The following SHROOM3 variants were observed in gnomAD, a reference collection of about 807,000 sequenced individuals.
SHROOM3 encodes the protein protein Shroom3.
In SHROOM3, 47 loss-of-function variants were observed where a neutral mutation model predicts 138.6. The ratio of observed to expected loss-of-function variants is 0.34; its 90% CI spans 0.27 to 0.43. The LOEUF is 0.43. Ranked by LOEUF, SHROOM3 falls within the 20% of genes least tolerant of loss-of-function variation. SHROOM3 has a pLI of 1.00. For missense variants in SHROOM3, 2,491 were observed against 2,596.5 expected, an observed-to-expected ratio of 0.96 and a Z score of 0.88; for synonymous variants, 1,062 against 1,063.3, an observed-to-expected ratio of 1.00 and a Z score of 0.02.
chr4:76,756,418 T>TC (rs769241594), intron 7 of SHROOM3, 31 bp from the exon 8 acceptor site: 428 of 450,586 alleles, frequency 9.5e-4, no homozygotes, highest in Admixed American at 1.8e-3. Flanking sequence ...TCTCTCTCTC[T>TC]TTTTTTTTTT....
chr4:76,576,227 G>A (rs565984262), intron 2 of SHROOM3, among the ~76,000 whole-genome samples: 1 of 152,170 alleles, frequency 6.6e-6, no homozygotes, highest in African/African-American at 2.4e-5. Context: ...CTTTACAATA[G>A]CTAAGATTTG....
intron 2 of SHROOM3, among the ~76,000 whole-genome samples, chr4:76,623,989 T>A (rs1205363666): frequency 6.6e-6 from 1 of 152,250 alleles, no homozygotes; most frequent in Non-Finnish European, 1.5e-5. Flanking sequence ...TTAACCACTA[T>A]CATGTTTGTA....
intron 9 of SHROOM3, among the ~76,000 whole-genome samples, chr4:76,760,750 A>G (rs1721963196): frequency 6.6e-6 from 1 of 152,192 alleles, no homozygotes; most frequent in Non-Finnish European, 1.5e-5. Flanking sequence ...TTGTCATTGT[A>G]TACCCCTGAT....
At chr4:76,761,243 C>T (rs1268444609) in intron 9 of SHROOM3, among the ~76,000 whole-genome samples, 1 of 152,100 alleles carries the variant, frequency 6.6e-6, no homozygotes, top group Non-Finnish European at 1.5e-5. Flanking sequence ...TCCATGTGTA[C>T]CCAATTAACT....
chr4:76,693,366 GTTTGTTT>G (rs1244264684), intron 2 of SHROOM3, among the ~76,000 whole-genome samples: 1 of 60,100 alleles, frequency 1.7e-5, no homozygotes, highest in African/African-American at 7.1e-5. Flanking sequence ...ATTTTGATAA[GTTTGTTT>G]TTTTTTTTTT....
At chr4:76,745,106 T>C (rs1191181956) in intron 5 of SHROOM3, among the ~76,000 whole-genome samples, 1 of 152,198 alleles carries the variant, frequency 6.6e-6, no homozygotes, top group Non-Finnish European at 1.5e-5. Context: ...TTCCTCTTCA[T>C]TGCAGAACAA....
At chr4:76,540,392 A>G (rs1733074101) in intron 1 of SHROOM3, among the ~76,000 whole-genome samples, 1 of 152,198 alleles carries the variant, frequency 6.6e-6, no homozygotes, top group South Asian at 2.1e-4. Flanking sequence ...GTTGCAAGCC[A>G]AGTTCTAATA....
chr4:76,664,623 G>A lies in SHROOM3; in HGVS notation c.324-45533G>A, dbSNP rs575805895. Among the ~76,000 whole-genome samples, 11 of 152,250 alleles carry A rather than the reference G, an allele frequency of 7.2e-5. No individual in the cohort carries two copies. The highest frequency in any genetic ancestry group is 2.2e-4 in the African/African-American group (9 of 41,546). ...TTTATGCTTTTGTTACTGTTGTATC[G>A]TTTTATTGTGGCAAACAGACACACA... On this transcript the variant is annotated intron_variant, in intron 2 of 10. Coordinates refer to ENST00000296043, the MANE Select transcript of SHROOM3 (RefSeq NM_020859.4). This position sits in a 1 kb window ranked among gnomAD's most constrained non-coding sequence, Gnocchi z 4.2.
At chr4:76,552,620 T>C (rs1327702759) in intron 1 of SHROOM3, among the ~76,000 whole-genome samples, 2 of 150,834 alleles carry the variant, frequency 1.3e-5, no homozygotes, top group Non-Finnish European at 3.0e-5. Flanking sequence ...CATTCCTCAT[T>C]ATGTTTGCTA....
chr4:76,561,897 G>C (rs1483601870), intron 2 of SHROOM3, among the ~76,000 whole-genome samples: 1 of 151,956 alleles, frequency 6.6e-6, no homozygotes, highest in South Asian at 2.1e-4. Context: ...TGTAATCCCA[G>C]CTACTCGGGA....
At chr4:76,477,769 A>G (rs28452568) in intron 1 of SHROOM3, among the ~76,000 whole-genome samples, 1,878 of 152,218 alleles carry the variant, frequency 0.012, 45 homozygotes, top group African/African-American at 0.043. Context: ...TTTCCAGCTG[A>G]GGTACCCAGC....
intron 1 of SHROOM3, among the ~76,000 whole-genome samples, chr4:76,458,439 T>C (rs963010722): frequency 6.6e-6 from 1 of 152,182 alleles, no homozygotes; most frequent in African/African-American, 2.4e-5. Flanking sequence ...TTTTGTTAAA[T>C]GATAATATTA....
At chr4:76,494,392 A>T (rs1731922162) in intron 1 of SHROOM3, among the ~76,000 whole-genome samples, 1 of 152,198 alleles carries the variant, frequency 6.6e-6, no homozygotes, top group African/African-American at 2.4e-5. Flanking sequence ...CAGAATTAAC[A>T]TTGTGCGCTA....
intron 1 of SHROOM3, among the ~76,000 whole-genome samples, chr4:76,490,760 AG>A (rs1337082206): frequency 6.6e-6 from 1 of 152,212 alleles, no homozygotes; most frequent in Non-Finnish European, 1.5e-5. Context: ...CCTAATATGT[AG>A]AATGCCTATA....
chr4:76,761,819 A>ACT (rs1721995918), intron 9 of SHROOM3, among the ~76,000 whole-genome samples: 1 of 152,110 alleles, frequency 6.6e-6, no homozygotes, highest in Non-Finnish European at 1.5e-5. Flanking sequence ...ACAAAACCCC[A>ACT]CTCAGGGTGG....
At chr4:76,665,822 C>T (rs956147405) in intron 2 of SHROOM3, among the ~76,000 whole-genome samples, 4 of 152,066 alleles carry the variant, frequency 2.6e-5, no homozygotes, top group Non-Finnish European at 5.9e-5. Flanking sequence ...AAATTCAAAA[C>T]CTCTCTCTCC....
chr4:76,531,505 C>A (rs894711169), intron 1 of SHROOM3, among the ~76,000 whole-genome samples: 4 of 152,088 alleles, frequency 2.6e-5, no homozygotes, highest in Non-Finnish European at 4.4e-5. Context: ...AGAGACTGGT[C>A]CTCTCAGTTC....
intron 1 of SHROOM3, among the ~76,000 whole-genome samples, chr4:76,534,909 G>A (rs1257554080): frequency 1.3e-5 from 2 of 151,964 alleles, no homozygotes; most frequent in African/African-American, 4.8e-5. Context: ...TAAGGACCAT[G>A]GAAAAGATTT....
intron 2 of SHROOM3, among the ~76,000 whole-genome samples, chr4:76,619,623 C>T (rs1168656573): frequency 6.6e-6 from 1 of 152,122 alleles, no homozygotes; most frequent in Non-Finnish European, 1.5e-5. Flanking sequence ...TACAGACTTA[C>T]TATCTAATGA....
Sources: gnomAD v4.1 joint callset for allele counts (sites outside exome capture counted in the v4.1 genomes callset) on GRCh38, gnomAD v4.1.1 for gene constraint, Gnocchi (gnomAD v3.1) non-coding constraint, MANE v1.5 for transcripts, NCBI Gene and HGNC (gene_info 2026-07-23, HGNC 2026-07-21) for gene names.